NEK5: variants seen among roughly 807,000 people sequenced by gnomAD.
NEK5 encodes serine/threonine-protein kinase Nek5.
NEK5 carries 88 observed loss-of-function variants against 109.2 expected under a neutral mutation model. The observed-to-expected ratio is 0.81, with a 90% CI of 0.68 to 0.96. The LOEUF (loss-of-function observed/expected upper bound fraction) is 0.96, where lower values mean the gene tolerates loss of function less well. Among genes scored for constraint, NEK5 ranks in the 40% least tolerant of loss-of-function variants. NEK5 has a pLI of 0.00. For missense variants in NEK5, 834 were observed against 920.7 expected, an observed-to-expected ratio of 0.91 and a Z score of 1.22; for synonymous variants, 283 against 299.9, an observed-to-expected ratio of 0.94 and a Z score of 0.58.
chr13:52,121,605 T>C (rs1955971734), intron 3 of NEK5, among the ~76,000 whole-genome samples: 1 of 152,238 alleles, frequency 6.6e-6, no homozygotes, highest in African/African-American at 2.4e-5. Context: ...CAAATAGAAG[T>C]GAATAAGGTA....
chr13:52,087,141 T>C (rs539772449), intron 15 of NEK5, among the ~76,000 whole-genome samples, 197 bp downstream of exon 15: 3 of 152,208 alleles, frequency 2.0e-5, no homozygotes, highest in Non-Finnish European at 4.4e-5. Context: ...AATCTCAAGG[T>C]GAAAAGCTTT....
chr13:52,038,357 G>C (rs1954383870), intron 23 of NEK5, among the ~76,000 whole-genome samples: 1 of 152,098 alleles, frequency 6.6e-6, no homozygotes, highest in Non-Finnish European at 1.5e-5. Context: ...GCAAGTGGAG[G>C]AGATTGAGAA....
chr13:52,080,326 G>T (rs1471290274), intron 17 of NEK5, among the ~76,000 whole-genome samples: 4 of 149,730 alleles, frequency 2.7e-5, no homozygotes, highest in African/African-American at 9.8e-5. Flanking sequence ...GGGCGCCTCT[G>T]CCCGGCCGCC....
Position 52,086,372 on chromosome 13 carries a change from C to T in NEK5, c.1393-9G>A. On this transcript the variant is annotated splice_polypyrimidine_tract_variant and intron_variant, in intron 15 of 23. Coordinates refer to ENST00000684899, the MANE Select transcript of NEK5 (RefSeq NM_001365552.1). ...AACTGCTTCCAATATTCCTGGAAAGCAAACCCAATCCAGAAACTTTAAATG... is the reference window on the plus strand; with the variant it reads ...AACTGCTTCCAATATTCCTGGAAAGTAAACCCAATCCAGAAACTTTAAATG... 1 of 1,564,180 alleles carries T rather than the reference C, an allele frequency of 6.4e-7. No individual in the cohort carries two copies. Among genetic ancestry groups the T allele is most frequent in the East Asian group, 2.2e-5 (1 of 44,590 alleles).
intron 23 of NEK5, among the ~76,000 whole-genome samples, chr13:52,038,361 T>C (rs1027778588): frequency 2.6e-5 from 4 of 151,606 alleles, no homozygotes; most frequent in Non-Finnish European, 5.9e-5. Flanking sequence ...GTGGAGGAGA[T>C]TGAGAAAGAG....
intron 4 of NEK5, among the ~76,000 whole-genome samples, chr13:52,115,015 CTTT>C (rs765435593): frequency 7.1e-6 from 1 of 141,766 alleles, no homozygotes. Context: ...ACAGAGATAC[CTTT>C]TTTTTTTTTT....
At chr13:52,052,400 C>A (rs144208231) in intron 22 of NEK5, among the ~76,000 whole-genome samples, 1 of 152,286 alleles carries the variant, frequency 6.6e-6, no homozygotes, top group East Asian at 1.9e-4. Flanking sequence ...CAGGTTTGAA[C>A]ACTTGGAGGT....
chr13:52,073,608 C>T (rs1477177995), intron 19 of NEK5, among the ~76,000 whole-genome samples: 2 of 152,058 alleles, frequency 1.3e-5, no homozygotes, highest in Non-Finnish European at 2.9e-5. Flanking sequence ...AGCCACCGTT[C>T]CCTGGCCTTG....
At chr13:52,037,452 T>C (rs996146535) in intron 23 of NEK5, among the ~76,000 whole-genome samples, 16 of 152,148 alleles carry the variant, frequency 1.1e-4, no homozygotes, top group African/African-American at 3.6e-4. Context: ...ATCTAATGTT[T>C]AAGAGGAGAG....
chr13:52,067,028 T>C (rs1954702296), intron 20 of NEK5, among the ~76,000 whole-genome samples: 1 of 152,204 alleles, frequency 6.6e-6, no homozygotes, highest in African/African-American at 2.4e-5. Context: ...TGCTGAATTA[T>C]GATACATACT....
intron 23 of NEK5, among the ~76,000 whole-genome samples, chr13:52,046,681 C>A (rs1341701629): frequency 6.6e-6 from 1 of 151,232 alleles, no homozygotes; most frequent in African/African-American, 2.4e-5. Context: ...CAGTGAGGTG[C>A]GATCATGCCG....
chr13:52,128,077 T>G (rs1216835446), intron 1 of NEK5, among the ~76,000 whole-genome samples: 1 of 152,178 alleles, frequency 6.6e-6, no homozygotes, highest in Non-Finnish European at 1.5e-5. Context: ...CCCGCGGCCC[T>G]ACAATCTTGG....
At chr13:52,098,582 A>T (rs1391757025) in intron 12 of NEK5, among the ~76,000 whole-genome samples, 1 of 152,184 alleles carries the variant, frequency 6.6e-6, no homozygotes, top group Non-Finnish European at 1.5e-5. Flanking sequence ...AAACACAAAG[A>T]ATCACTAGGG....
At chr13:52,041,728 C>CAAAAAAAAAAA (rs60216367) in intron 23 of NEK5, among the ~76,000 whole-genome samples, 7 of 48,112 alleles carry the variant, frequency 1.5e-4, no homozygotes, top group East Asian at 7.0e-4. Context: ...AACTCTGTCT[C>CAAAAAAAAAAA]AAAAAAAAAA....
intron 23 of NEK5, among the ~76,000 whole-genome samples, chr13:52,044,779 A>C (rs1954442042): frequency 6.6e-6 from 1 of 152,190 alleles, no homozygotes; most frequent in African/African-American, 2.4e-5. Flanking sequence ...TTTTGAAAGA[A>C]ATATATATAC....
chr13:52,070,649 G>A (rs1258402097), intron 20 of NEK5, among the ~76,000 whole-genome samples: 1 of 152,204 alleles, frequency 6.6e-6, no homozygotes, highest in African/African-American at 2.4e-5. Flanking sequence ...ATGTGGAACT[G>A]TAAGTCCAAT....
chr13:52,095,178 C>G (rs1020035367), intron 12 of NEK5, among the ~76,000 whole-genome samples: 3 of 152,132 alleles, frequency 2.0e-5, no homozygotes, highest in African/African-American at 7.2e-5. Context: ...TGAAATGATC[C>G]TCCTGCCTCA....
At chr13:52,080,324 C>G (rs1954976579) in intron 17 of NEK5, among the ~76,000 whole-genome samples, 1 of 150,788 alleles carries the variant, frequency 6.6e-6, no homozygotes, top group South Asian at 2.1e-4. Flanking sequence ...AGGGGCGCCT[C>G]TGCCCGGCCG....
At chr13:52,063,470 A>G (rs1411361362) in intron 21 of NEK5, among the ~76,000 whole-genome samples, 15 of 152,132 alleles carry the variant, frequency 9.9e-5, no homozygotes, top group Non-Finnish European at 2.9e-5. Flanking sequence ...AAGTGCTGAG[A>G]TTGCAGCCTC....
Sources: allele counts gnomAD v4.1 joint callset (sites outside exome capture counted in the v4.1 genomes callset), GRCh38; gene constraint gnomAD v4.1.1; transcripts MANE v1.5; gene names NCBI Gene and HGNC (gene_info 2026-07-23, HGNC 2026-07-21).